PTK7: variants seen among roughly 807,000 people sequenced by gnomAD.
PTK7 encodes the protein protein tyrosine kinase 7 (inactive), also known as inactive tyrosine-protein kinase 7.
In PTK7, 39 loss-of-function variants were observed where a neutral mutation model predicts 116.6. That is an observed-to-expected ratio of 0.33 (90% confidence interval 0.26 to 0.44). The LOEUF is 0.44. PTK7 is among the 20% of genes least tolerant of loss of function. The pLI is 1.00. For synonymous variants in PTK7, 546 were observed against 563.6 expected, an observed-to-expected ratio of 0.97 and a Z score of 0.44; for missense variants, 1,169 against 1,425.6, an observed-to-expected ratio of 0.82 and a Z score of 2.90.
chr6:43,140,507 T>A (rs1046877389), intron 10 of PTK7, among the ~76,000 whole-genome samples: 1 of 151,924 alleles, frequency 6.6e-6, no homozygotes, highest in Admixed American at 6.6e-5. Context: ...CCGTTTATCA[T>A]CTTTGGGTGT....
chr6:43,117,751 A>G (rs747830412), intron 1 of PTK7, among the ~76,000 whole-genome samples: 2 of 152,096 alleles, frequency 1.3e-5, no homozygotes, highest in Admixed American at 1.3e-4. Flanking sequence ...ACCAGCCAAC[A>G]TGGTGAAACC....
Position 43,157,395 on chromosome 6 carries a change from T to A in PTK7, c.2722-1422T>A, listed in dbSNP as rs1412498004. Among the ~76,000 whole-genome samples the A allele has an allele frequency of 6.4e-5, 8 of 124,988 alleles. No individual in the cohort carries two copies. In the East Asian group the frequency reaches 7.1e-4, roughly 11 times the overall value. 82.0% of individuals were successfully genotyped at this position (124,988 alleles called of 152,430 possible). A position where few individuals can be genotyped will look rare whatever the true frequency, so the allele number is the denominator to read the frequency against. ...TTTTTTCTTTTTTTTTTTTTTTTTT[T>A]AATAGAGTCTCACTATGTTGCCCAG... On this transcript the variant is annotated intron_variant, in intron 17 of 19. Coordinates refer to ENST00000230419, the MANE Select transcript of PTK7 (RefSeq NM_002821.5).
At chr6:43,120,533 A>T (rs1178046579) in intron 1 of PTK7, among the ~76,000 whole-genome samples, 1 of 152,136 alleles carries the variant, frequency 6.6e-6, no homozygotes, top group African/African-American at 2.4e-5. Context: ...GCTGCCTCAG[A>T]CCCCACACAC....
intron 1 of PTK7, among the ~76,000 whole-genome samples, chr6:43,097,903 C>T (rs1767347864): frequency 6.6e-6 from 1 of 152,174 alleles, no homozygotes; most frequent in African/African-American, 2.4e-5. Flanking sequence ...AAGGTTGATC[C>T]AGTGGGTCAA....
intron 15 of PTK7, 115 bp downstream of exon 15, chr6:43,144,721 A>G (rs1004365936): frequency 1.5e-6 from 2 of 1,290,878 alleles, no homozygotes; most frequent in African/African-American, 3.0e-5. Context: ...TTAGAGGTGG[A>G]GGGAAGCATA....
In PTK7 at chr6:43,139,940, C is replaced by A. The variant is rs1770286846; in HGVS notation, c.1618+415C>A. ...ACCAGCCTGGCCAACATGGTGAAAC[C>A]CCATCTCTACTAAAAATGCAAAAGT... is the stretch of plus-strand genomic sequence containing the variant. On this transcript the variant is annotated intron_variant, in intron 10 of 19. Transcript: ENST00000230419. The surrounding 1 kb of genome is among the most constrained non-coding windows in gnomAD (Gnocchi z 4.6). 6.6e-6 allele frequency among the ~76,000 whole-genome samples: 1 copy of A among 151,114 alleles called. No individual in the cohort carries two copies. Among genetic ancestry groups the A allele is most frequent in the Admixed American group, 6.6e-5 (1 of 15,120 alleles).
In PTK7 at chr6:43,108,287, G is replaced by A. The variant is rs147879279; in HGVS notation, c.80-20690G>A. On this transcript the variant is annotated intron_variant, in intron 1 of 19. Transcript: ENST00000230419. ...TTTTTGTATTTTTAGTAGAGACGGG[G>A]TTTCCCCATGCTGTCCAGGCTGGTC... Among the ~76,000 whole-genome samples the A allele has an allele frequency of 6.6e-4, 100 of 151,514 alleles. 1 individual carries two copies. In the East Asian group the frequency reaches 0.017, roughly 26 times the overall value.
intron 1 of PTK7, among the ~76,000 whole-genome samples, chr6:43,086,879 C>CTA (rs1766691128): frequency 1.3e-5 from 2 of 152,102 alleles, no homozygotes; most frequent in Non-Finnish European, 2.9e-5. Context: ...AAAAACCCTT[C>CTA]CTCCAGGTAG....
At chr6:43,079,629 C>T (rs1766255370) in intron 1 of PTK7, among the ~76,000 whole-genome samples, 1 of 152,120 alleles carries the variant, frequency 6.6e-6, no homozygotes, top group Non-Finnish European at 1.5e-5. Context: ...TCTCCTCTAT[C>T]ACCCAGGCTA....
chr6:43,160,652 A>G, intron 19 of PTK7, 69 bp from the exon 20 acceptor site: 1 of 1,571,704 alleles, frequency 6.4e-7, no homozygotes, highest in Non-Finnish European at 8.7e-7. Flanking sequence ...ATAAACTGCA[A>G]GGTCCACAAA....
chr6:43,159,020 G>C, intron 18 of PTK7, 52 bp downstream of exon 18: 1 of 1,604,042 alleles, frequency 6.2e-7, no homozygotes, highest in Non-Finnish European at 8.5e-7. Context: ...CAGAGGGTGA[G>C]GGGCAGAGGA....
At chr6:43,123,626 C>T (rs146242806) in intron 1 of PTK7, among the ~76,000 whole-genome samples, 28 of 152,038 alleles carry the variant, frequency 1.8e-4, no homozygotes, top group Admixed American at 3.9e-4. Context: ...AGGGCAGGCA[C>T]GGGAGACGCA....
At chr6:43,131,559 G>A (rs533493098) in intron 5 of PTK7, among the ~76,000 whole-genome samples, 35 of 152,316 alleles carry the variant, frequency 2.3e-4, no homozygotes, top group African/African-American at 7.7e-4. Context: ...AGGAGAGAGA[G>A]CTTCTGCAGG....
Position 43,160,767 on chromosome 6 carries a change from T to C in PTK7, c.3099T>C (p.Pro1033=), listed in dbSNP as rs773870269. Residue 1033 remains proline (P), a synonymous_variant, in exon 20 of 20, where the codon CCT becomes CCC. Coordinates refer to ENST00000230419, the MANE Select transcript of PTK7 (RefSeq NM_002821.5). ...GACTTCCTCAGCCCGAGGGCTGCCC[T>C]TCCAAACTCTATCGGCTGATGCAGC... ...KARLPQPEGC[P]SKLYRLMQRC... The C allele has an allele frequency of 3.8e-5, 61 of 1,614,200 alleles. No homozygotes were observed. Among genetic ancestry groups the C allele is most frequent in the Non-Finnish European group, 4.3e-5 (51 of 1,180,020 alleles).
Position 43,147,665 on chromosome 6 carries a change from G to A in PTK7, c.2721+967G>A, listed in dbSNP as rs534771160. Among the ~76,000 whole-genome samples the A allele has an allele frequency of 3.8e-4, 58 of 152,312 alleles. 1 individual carries two copies. Among genetic ancestry groups the A allele is most frequent in the South Asian group, 1.2e-3 (6 of 4,830 alleles). ...GCTGGCAGATGAATCAGGTGAATGGGACCCTGGCTGCCCCCAATCTCTCTG... is the reference window on the plus strand; with the variant it reads ...GCTGGCAGATGAATCAGGTGAATGGAACCCTGGCTGCCCCCAATCTCTCTG... On this transcript the variant is annotated intron_variant, in intron 17 of 19. Transcript: ENST00000230419.
chr6:43,083,869 G>T (rs1365466147), intron 1 of PTK7, among the ~76,000 whole-genome samples: 1 of 152,148 alleles, frequency 6.6e-6, no homozygotes, highest in Non-Finnish European at 1.5e-5. Context: ...ACAAAGTCCC[G>T]AGTCGCAGGG....
At chr6:43,158,074 G>C (rs980299349) in intron 17 of PTK7, among the ~76,000 whole-genome samples, 1 of 151,954 alleles carries the variant, frequency 6.6e-6, no homozygotes, top group Admixed American at 6.6e-5. Flanking sequence ...CGAGGCGGGC[G>C]GATCACAAGG....
intron 1 of PTK7, among the ~76,000 whole-genome samples, chr6:43,107,767 G>T (rs1320909676): frequency 6.6e-6 from 1 of 152,182 alleles, no homozygotes; most frequent in Non-Finnish European, 1.5e-5. Context: ...ACATCATGTT[G>T]GGATAATGCG....
chr6:43,119,166 G>A (rs1304953143), intron 1 of PTK7, among the ~76,000 whole-genome samples: 1 of 152,034 alleles, frequency 6.6e-6, no homozygotes, highest in Non-Finnish European at 1.5e-5. Flanking sequence ...TGCAGGCAGG[G>A]TGTAAAGGGC....
Sources: gnomAD v4.1 joint callset for allele counts (sites outside exome capture counted in the v4.1 genomes callset) on GRCh38, gnomAD v4.1.1 for gene constraint, Gnocchi (gnomAD v3.1) non-coding constraint, MANE v1.5 for transcripts, NCBI Gene and HGNC (gene_info 2026-07-23, HGNC 2026-07-21) for gene names.